DLGAP1: variants seen among roughly 807,000 people sequenced by gnomAD.
DLGAP1 encodes the protein DLG associated protein 1, also known as disks large-associated protein 1.
In DLGAP1, 11 loss-of-function variants were observed where a neutral mutation model predicts 90.8. The observed-to-expected ratio is 0.12, with a 90% confidence interval of 0.08 to 0.20. The LOEUF (loss-of-function observed/expected upper bound fraction) is 0.20. Ranked by LOEUF, DLGAP1 falls within the 10% of genes least tolerant of loss-of-function variation. The pLI, the probability that DLGAP1 is intolerant of heterozygous loss-of-function variation, is 1.00. For missense variants in DLGAP1, 1,050 were observed against 1,333.8 expected, an observed-to-expected ratio of 0.79 and a Z score of 3.31; for synonymous variants, 558 against 540.7, an observed-to-expected ratio of 1.03 and a Z score of -0.44.
At chr18:3,747,332 A>C (rs1342976510) in intron 5 of DLGAP1, among the ~76,000 whole-genome samples, 1 of 152,230 alleles carries the variant, frequency 6.6e-6, no homozygotes, top group Admixed American at 6.5e-5. Flanking sequence ...TTCCAGCTGC[A>C]TCGCTTTATA....
chr18:4,326,628 T>C (rs1042493079), intron 1 of DLGAP1, among the ~76,000 whole-genome samples: 34 of 152,142 alleles, frequency 2.2e-4, no homozygotes, highest in African/African-American at 7.7e-4. Context: ...AAGGAAAATG[T>C]GGTACATACA....
chr18:3,917,149 C>A (rs1305492216), intron 3 of DLGAP1, among the ~76,000 whole-genome samples: 1 of 152,196 alleles, frequency 6.6e-6, no homozygotes, highest in Non-Finnish European at 1.5e-5. Context: ...GAAGGCTAAG[C>A]TACGGTGTTT....
intron 7 of DLGAP1, among the ~76,000 whole-genome samples, chr18:3,636,212 T>A (rs966644305): frequency 2.6e-5 from 4 of 151,254 alleles, no homozygotes; most frequent in African/African-American, 9.7e-5. Context: ...TCACCTCTCC[T>A]GTGAAGCCTT....
At chr18:3,821,089 G>A (rs866182591) in intron 4 of DLGAP1, among the ~76,000 whole-genome samples, 4 of 152,100 alleles carry the variant, frequency 2.6e-5, no homozygotes, top group Middle Eastern at 3.4e-3. Context: ...GTTTGAGACC[G>A]GCCTAGGCAA....
At chr18:3,612,971 G>T (rs2057702107) in intron 7 of DLGAP1, among the ~76,000 whole-genome samples, 1 of 151,958 alleles carries the variant, frequency 6.6e-6, no homozygotes, top group Non-Finnish European at 1.5e-5. Context: ...GTCCTGAGTA[G>T]CTGGGATTAC....
At chr18:4,164,929 T>C (rs2076908638) in intron 1 of DLGAP1, among the ~76,000 whole-genome samples, 1 of 152,150 alleles carries the variant, frequency 6.6e-6, no homozygotes, top group South Asian at 2.1e-4. Context: ...TAAGGATAGA[T>C]GAATTGAATT....
At chr18:3,611,324 A>C (rs2057615249) in intron 7 of DLGAP1, among the ~76,000 whole-genome samples, 1 of 152,078 alleles carries the variant, frequency 6.6e-6, no homozygotes, top group African/African-American at 2.4e-5. Flanking sequence ...GCCTGGAGAA[A>C]ATAAGATTGC....
intron 7 of DLGAP1, among the ~76,000 whole-genome samples, chr18:3,702,889 G>T (rs1303967096): frequency 6.6e-6 from 1 of 152,186 alleles, no homozygotes; most frequent in African/African-American, 2.4e-5. Context: ...GACAGAGGGA[G>T]AAGAGAGAGG....
intron 3 of DLGAP1, among the ~76,000 whole-genome samples, chr18:3,974,957 T>C (rs1195400750): frequency 1.3e-5 from 2 of 152,098 alleles, no homozygotes; most frequent in Non-Finnish European, 2.9e-5. Context: ...TGATTCTACT[T>C]ATATGAGGTA....
chr18:3,530,576 TC>T (rs970990033), intron 10 of DLGAP1, among the ~76,000 whole-genome samples: 6 of 152,164 alleles, frequency 3.9e-5, no homozygotes, highest in African/African-American at 1.4e-4. Flanking sequence ...CTGGCATTTT[TC>T]CTAGGAAAAT....
In DLGAP1 at chr18:4,305,552, G is replaced by T. The variant is rs113656290; in HGVS notation, c.-267+149454C>A. Among the ~76,000 whole-genome samples, 492 of 142,522 alleles carry T rather than the reference G, an allele frequency of 3.5e-3. 4 individuals carry two copies. Among genetic ancestry groups the T allele is most frequent in the African/African-American group, 0.012 (474 of 38,650 alleles). 93.5% of individuals were successfully genotyped at this position (142,522 alleles called of 152,430 possible). ...TCCGTCTCAAAAAAAAAAAAAAAAA[G>T]GAAAAAGAAAAAGAAAAACCACAGG... On this transcript the variant is annotated intron_variant, in intron 1 of 12. Transcript: ENST00000315677.
chr18:4,165,447 T>C (rs2076917726), intron 1 of DLGAP1, among the ~76,000 whole-genome samples: 3 of 152,192 alleles, frequency 2.0e-5, no homozygotes, highest in Admixed American at 1.3e-4. Flanking sequence ...AGTCTGTCAC[T>C]ACCCAACCTA....
At position 4,342,720 on chromosome 18, in the gene DLGAP1, C is replaced by T. The variant is rs2081219432; in HGVS notation, c.-267+112286G>A. On this transcript the variant is annotated intron_variant, in intron 1 of 12. Transcript: ENST00000315677. The surrounding 1 kb of genome is among the most constrained non-coding windows in gnomAD (Gnocchi z 5.8). ...ATGTTGAAAGATTTGACATATCATT[C>T]TTATACCTGCTTGCTTACACAATTA... Among the ~76,000 whole-genome samples the T allele has an allele frequency of 6.6e-6, 1 of 152,158 alleles. No individual in the cohort carries two copies. Among genetic ancestry groups the T allele is most frequent in the African/African-American group, 2.4e-5 (1 of 41,452 alleles).
At chr18:4,179,840 G>A (rs923927762) in intron 1 of DLGAP1, among the ~76,000 whole-genome samples, 4 of 152,074 alleles carry the variant, frequency 2.6e-5, no homozygotes, top group African/African-American at 7.2e-5. Context: ...ATTAAATCTC[G>A]GCTGCGTCCC....
intron 7 of DLGAP1, among the ~76,000 whole-genome samples, chr18:3,600,747 G>T (rs866166260): frequency 8.9e-5 from 2 of 22,452 alleles, no homozygotes; most frequent in Non-Finnish European, 1.6e-4. Context: ...TAGATATATA[G>T]ATATATATAG....
intron 7 of DLGAP1, among the ~76,000 whole-genome samples, chr18:3,595,075 C>T (rs1055453675): frequency 6.6e-6 from 1 of 152,178 alleles, no homozygotes; most frequent in African/African-American, 2.4e-5. Context: ...TTGTAACTTG[C>T]CTTCTTCCTT....
chr18:3,567,733 C>T, intron 8 of DLGAP1, 152 bp from the exon 9 acceptor site: 3 of 667,218 alleles, frequency 4.5e-6, no homozygotes, highest in Non-Finnish European at 7.7e-6. Context: ...ACTACCTTCA[C>T]TGCACGCTCT....
At chr18:3,809,096 T>C (rs1028238689) in intron 5 of DLGAP1, among the ~76,000 whole-genome samples, 1 of 152,182 alleles carries the variant, frequency 6.6e-6, no homozygotes, top group African/African-American at 2.4e-5. Flanking sequence ...CCTGTGGGCA[T>C]CTCGGATCGA....
intron 1 of DLGAP1, among the ~76,000 whole-genome samples, chr18:4,195,803 T>C (rs993182065): frequency 2.0e-5 from 3 of 152,312 alleles, no homozygotes; most frequent in African/African-American, 7.2e-5. Flanking sequence ...CTCACCCACC[T>C]TGGCCTCCCA....
Sources: gnomAD v4.1 joint callset for allele counts (sites outside exome capture counted in the v4.1 genomes callset) on GRCh38, gnomAD v4.1.1 for gene constraint, Gnocchi (gnomAD v3.1) non-coding constraint, MANE v1.5 for transcripts, NCBI Gene and HGNC (gene_info 2026-07-23, HGNC 2026-07-21) for gene names.